The following DNER variants were observed in gnomAD, a reference collection of about 807,000 sequenced individuals.
The protein encoded by DNER is delta/notch like EGF repeat containing.
Under a neutral mutation model 78.2 loss-of-function variants are expected in DNER, and 33 were observed. The observed-to-expected ratio is 0.42, with a 90% confidence interval of 0.32 to 0.56. DNER has a LOEUF of 0.56. Among genes scored for constraint, DNER ranks in the 20% least tolerant of loss-of-function variants. DNER has a pLI of 0.11. For synonymous variants in DNER, 417 were observed against 384.8 expected, an observed-to-expected ratio of 1.08 and a Z score of -0.98; for missense variants, 918 against 975.3, an observed-to-expected ratio of 0.94 and a Z score of 0.78.
In DNER at chr2:229,588,439, C is replaced by A; in HGVS notation, c.635G>T (p.Gly212Val). 2 of 1,613,988 alleles carry A rather than the reference C, an allele frequency of 1.2e-6. No individual in the cohort carries two copies. The highest frequency in any genetic ancestry group is 1.7e-6 in the Non-Finnish European group (2 of 1,179,962). ...CACTTCAAAGGATACCAGGCGGCCACCCGCAGAGCTGTTAGAACTGGCATT... is the reference window on the plus strand; with the variant it reads ...CACTTCAAAGGATACCAGGCGGCCAACCGCAGAGCTGTTAGAACTGGCATT... ...CGNASSNSSA[G>V]GRLVSFEVPQ... Residue 212 changes from glycine to valine, a missense_variant, in exon 3 of 13, where the codon GGT (glycine) becomes GTT (valine). Gly to Val is a moderately radical substitution (Grantham distance 109). Coordinates refer to ENST00000341772, the MANE Select transcript of DNER (RefSeq NM_139072.4).
rs181848589 is a variant in DNER, at chr2:229,705,100, C to T, written c.276+9048G>A. On this transcript the variant is annotated intron_variant, in intron 1 of 12. Coordinates refer to ENST00000341772, the MANE Select transcript of DNER (RefSeq NM_139072.4). ...AATTCAGCCATCCTCCACTCAGCCC[C>T]CATCAGCCCATTGCTACAGACTCTT... is the stretch of plus-strand genomic sequence containing the variant. Among the ~76,000 whole-genome samples the T allele has an allele frequency of 1.4e-4, 22 of 152,290 alleles. No individual in the cohort carries two copies. In the East Asian group the frequency reaches 3.7e-3, roughly 25 times the overall value.
chr2:229,538,610 G>C (rs1055888867), intron 5 of DNER, among the ~76,000 whole-genome samples: 2 of 152,022 alleles, frequency 1.3e-5, no homozygotes, highest in African/African-American at 4.8e-5. Context: ...ATGTATACTT[G>C]AAAATTGCTA....
At chr2:229,385,339 T>C (rs1692840538) in intron 11 of DNER, among the ~76,000 whole-genome samples, 1 of 152,066 alleles carries the variant, frequency 6.6e-6, no homozygotes, top group Non-Finnish European at 1.5e-5. Flanking sequence ...ATAAGAGCTA[T>C]TTATGACAAA....
intron 1 of DNER, among the ~76,000 whole-genome samples, chr2:229,652,263 C>G (rs1027436561): frequency 1.3e-5 from 2 of 152,194 alleles, no homozygotes; most frequent in Non-Finnish European, 2.9e-5. Context: ...GCCACGCAGA[C>G]TCCTCAACTC....
chr2:229,672,700 G>T (rs1423466957), intron 1 of DNER, among the ~76,000 whole-genome samples: 1 of 151,364 alleles, frequency 6.6e-6, no homozygotes, highest in East Asian at 2.0e-4. Context: ...AGAGGTGAAA[G>T]CTACATCACC....
chr2:229,562,525 G>A lies in DNER; in HGVS notation c.848-15433C>T, dbSNP rs149611867. ...ATAGAGTATGTTTCACATTACAGAA[G>A]TGGTAATTGCCCATAATATCCATTC... On this transcript the variant is annotated intron_variant, in intron 4 of 12. Transcript: ENST00000341772. Among the ~76,000 whole-genome samples the A allele has an allele frequency of 2.6e-5, 4 of 152,240 alleles. No individual in the cohort carries two copies. In the East Asian group the frequency reaches 7.7e-4, roughly 29 times the overall value.
chr2:229,624,407 C>T (rs1698301980), intron 1 of DNER, among the ~76,000 whole-genome samples: 1 of 151,986 alleles, frequency 6.6e-6, no homozygotes, highest in Admixed American at 6.5e-5. Flanking sequence ...ACTAAAGGAA[C>T]CTAAAAGTCC....
chr2:229,673,908 G>C (rs763741476), intron 1 of DNER, among the ~76,000 whole-genome samples: 5 of 152,236 alleles, frequency 3.3e-5, no homozygotes, highest in Non-Finnish European at 7.3e-5. Flanking sequence ...AGATGGGTTT[G>C]GCCAACAGAG....
chr2:229,662,194 A>T (rs1319597956), intron 1 of DNER, among the ~76,000 whole-genome samples: 1 of 152,212 alleles, frequency 6.6e-6, no homozygotes, highest in Non-Finnish European at 1.5e-5. Flanking sequence ...TCGTCAGGCG[A>T]ACTGGGACAG....
At position 229,366,945 on chromosome 2, in the gene DNER, T is replaced by C. The variant is rs1692362056; in HGVS notation, c.2030A>G (p.Tyr677Cys). 3.7e-6 allele frequency: 6 copies of C among 1,614,052 alleles called. No individual in the cohort carries two copies. Among genetic ancestry groups the C allele is most frequent in the Admixed American group, 3.3e-5 (2 of 60,008 alleles). Residue 677 changes from tyrosine (Y) to cysteine (C), a missense_variant, in exon 12 of 13, where the codon TAT becomes TGT. Transcript: ENST00000341772. ...IEYQGSSRPA[Y>C]EEFYNCRSID... ...GCTGCGGCAGTTGTAGAACTCCTCA[T>C]AGGCTGGCCTGGAAGAACCCTGGTA...
chr2:229,431,596 A>AG (rs1694008027), intron 8 of DNER, among the ~76,000 whole-genome samples: 1 of 143,802 alleles, frequency 7.0e-6, no homozygotes, highest in Non-Finnish European at 1.5e-5. Flanking sequence ...AAAAAAAAAA[A>AG]GTTACTCAGG....
intron 5 of DNER, among the ~76,000 whole-genome samples, chr2:229,538,946 C>T (rs1696463748): frequency 6.6e-6 from 1 of 152,232 alleles, no homozygotes; most frequent in Non-Finnish European, 1.5e-5. Context: ...CACCCCCTCT[C>T]ACTGCTTTCT....
intron 11 of DNER, among the ~76,000 whole-genome samples, chr2:229,385,949 T>C (rs1692854506): frequency 6.6e-6 from 1 of 152,122 alleles, no homozygotes; most frequent in Non-Finnish European, 1.5e-5. Context: ...CTGACTTTCT[T>C]CACAGAATTG....
intron 11 of DNER, among the ~76,000 whole-genome samples, chr2:229,370,898 G>C (rs1012588042): frequency 7.2e-5 from 11 of 152,164 alleles, no homozygotes; most frequent in African/African-American, 2.2e-4. Context: ...TGTATACACA[G>C]TGAGTGCACA....
chr2:229,524,096 C>G lies in DNER; in HGVS notation c.994-11160G>C, dbSNP rs113129190. The stretch of plus-strand genomic sequence containing the variant: ...GCACAGAGAGGGTGAGTAAATTGAC[C>G]AAGGTCCGCCAGCTCGTAAATTGAA... On this transcript the variant is annotated intron_variant, in intron 5 of 12. Coordinates refer to ENST00000341772, the MANE Select transcript of DNER (RefSeq NM_139072.4). Among the ~76,000 whole-genome samples the G allele has an allele frequency of 8.3e-3, 1,260 of 152,314 alleles. 23 individuals are homozygous for G. Among genetic ancestry groups the G allele is most frequent in the African/African-American group, 0.029 (1,203 of 41,560 alleles).
At chr2:229,708,941 C>T (rs937547641) in intron 1 of DNER, among the ~76,000 whole-genome samples, 1 of 152,134 alleles carries the variant, frequency 6.6e-6, no homozygotes, top group African/African-American at 2.4e-5. Context: ...CAAAAGAAAA[C>T]TTCAAGTCAC....
At chr2:229,668,904 T>A (rs939044671) in intron 1 of DNER, among the ~76,000 whole-genome samples, 40 of 151,952 alleles carry the variant, frequency 2.6e-4, no homozygotes, top group African/African-American at 8.7e-4. Context: ...TATTCTACTA[T>A]AAAGACATAT....
At chr2:229,602,143 C>T (rs7587967) in intron 1 of DNER, among the ~76,000 whole-genome samples, 4,652 of 152,084 alleles carry the variant, frequency 0.031, 217 homozygotes, top group African/African-American at 0.097. Flanking sequence ...AACCACAATG[C>T]CATCAATACA....
At chr2:229,700,111 G>A (rs909073881) in intron 1 of DNER, among the ~76,000 whole-genome samples, 15 of 151,212 alleles carry the variant, frequency 9.9e-5, no homozygotes, top group Admixed American at 2.0e-4. Flanking sequence ...TTTTTTAAAT[G>A]CAATTAAACC....
Sources: gnomAD v4.1 joint callset for allele counts (sites outside exome capture counted in the v4.1 genomes callset) on GRCh38, gnomAD v4.1.1 for gene constraint, MANE v1.5 for transcripts, NCBI Gene and HGNC (gene_info 2026-07-23, HGNC 2026-07-21) for gene names.